The following TMOD3 variants were observed in gnomAD, a reference collection of about 807,000 sequenced individuals.
The protein encoded by TMOD3 is tropomodulin-3.
A neutral mutation model predicts 39.2 loss-of-function variants in TMOD3; 20 were observed. That is an observed-to-expected ratio of 0.51 (90% CI 0.36 to 0.74). The LOEUF (loss-of-function observed/expected upper bound fraction) is 0.74, where lower values mean the gene tolerates loss of function less well. TMOD3 is among the 30% of genes least tolerant of loss of function. The pLI is 0.00. For missense variants in TMOD3, 381 were observed against 412.8 expected, an observed-to-expected ratio of 0.92 and a Z score of 0.67; for synonymous variants, 143 against 145.8, an observed-to-expected ratio of 0.98 and a Z score of 0.14.
chr15:51,841,843 C>T (rs1026795258), intron 1 of TMOD3, among the ~76,000 whole-genome samples: 3 of 152,148 alleles, frequency 2.0e-5, no homozygotes, highest in Non-Finnish European at 2.9e-5. Context: ...GATCTTGGCT[C>T]ACTGCAACCT....
chr15:51,904,341 T>C (rs935646367), intron 9 of TMOD3, among the ~76,000 whole-genome samples: 4 of 152,258 alleles, frequency 2.6e-5, no homozygotes, highest in Non-Finnish European at 5.9e-5. Flanking sequence ...GCAGGGGCCA[T>C]GTCCGACTAT....
chr15:51,872,590 G>A (rs980385872), intron 3 of TMOD3, among the ~76,000 whole-genome samples: 8 of 143,170 alleles, frequency 5.6e-5, no homozygotes, highest in African/African-American at 2.1e-4. Context: ...TTTTTGTGAG[G>A]ACCAAATTTG....
chr15:51,894,701 G>A (rs1165818690), intron 6 of TMOD3, among the ~76,000 whole-genome samples: 3 of 152,100 alleles, frequency 2.0e-5, no homozygotes, highest in African/African-American at 2.4e-5. Context: ...TGGCTTCTTA[G>A]CATAATACAT....
At chr15:51,890,553 C>T (rs1234919450) in intron 5 of TMOD3, among the ~76,000 whole-genome samples, 1 of 151,986 alleles carries the variant, frequency 6.6e-6, no homozygotes, top group Non-Finnish European at 1.5e-5. Context: ...TTAGCCCTGA[C>T]AACAGTTCTA....
intron 1 of TMOD3, among the ~76,000 whole-genome samples, chr15:51,861,905 C>T (rs1227323571): frequency 2.0e-5 from 3 of 152,092 alleles, no homozygotes; most frequent in Non-Finnish European, 4.4e-5. Flanking sequence ...GGACTCCCAA[C>T]GTTCTGGGAT....
intron 1 of TMOD3, chr15:51,860,034 C>A: frequency 1.9e-6 from 1 of 534,478 alleles, no homozygotes. Flanking sequence ...GTCTTCACTG[C>A]CTCTTCATAT....
chr15:51,886,972 A>G (rs1010995869), intron 3 of TMOD3, among the ~76,000 whole-genome samples: 2 of 152,096 alleles, frequency 1.3e-5, no homozygotes, highest in Non-Finnish European at 2.9e-5. Flanking sequence ...TAATCCTAGC[A>G]CTTTGGGAGG....
intron 5 of TMOD3, chr15:51,892,209 C>T (rs923444821): frequency 6.6e-6 from 1 of 152,160 alleles, no homozygotes; most frequent in Non-Finnish European, 1.5e-5. Context: ...AGATAGTAGT[C>T]CATTTTGAAC....
intron 2 of TMOD3, among the ~76,000 whole-genome samples, chr15:51,868,700 G>A (rs372628836): frequency 2.2e-4 from 33 of 152,268 alleles, no homozygotes; most frequent in East Asian, 2.1e-3. Context: ...TGCTGGGCGC[G>A]GTGGCTCACA....
Position 51,908,932 on chromosome 15 carries a change from CA to C in TMOD3, c.*123del, listed in dbSNP as rs2056696514. ...CTGGAAAAATTTTTTTAGTGACATG[CA>C]TTTTTTTTTTAGTTGTTATCAAATT... On this transcript the variant is annotated 3_prime_UTR_variant, in exon 10 of 10. Transcript: ENST00000308580. 1.7e-6 allele frequency: 1 copy of C among 578,626 alleles called. No homozygotes were observed. Among genetic ancestry groups the C allele is most frequent in the African/African-American group, 1.9e-5 (1 of 51,542 alleles). 35.8% of individuals were successfully genotyped at this position (578,626 alleles called of 1,614,324 possible).
At chr15:51,874,877 C>G (rs1348886895) in intron 3 of TMOD3, 1 of 152,398 alleles carries the variant, frequency 6.6e-6, no homozygotes. Context: ...ATGGGCTCCT[C>G]CCTGCCTTGC....
intron 3 of TMOD3, among the ~76,000 whole-genome samples, chr15:51,887,387 C>T (rs964117687): frequency 6.6e-6 from 1 of 151,648 alleles, no homozygotes; most frequent in African/African-American, 2.4e-5. Context: ...TGAAAAATTT[C>T]TCAGTTGACC....
At chr15:51,872,096 T>A (rs996187454) in intron 3 of TMOD3, among the ~76,000 whole-genome samples, 4 of 152,112 alleles carry the variant, frequency 2.6e-5, no homozygotes, top group African/African-American at 9.7e-5. Context: ...ACCATTCAGG[T>A]AACGATAACA....
intron 1 of TMOD3, among the ~76,000 whole-genome samples, chr15:51,833,671 G>A (rs2056267211): frequency 6.6e-6 from 1 of 152,138 alleles, no homozygotes; most frequent in African/African-American, 2.4e-5. Context: ...ATTCATCTAT[G>A]TTGTTGGCAA....
chr15:51,890,337 A>ATTT (rs34989450), intron 5 of TMOD3, among the ~76,000 whole-genome samples: 4 of 128,226 alleles, frequency 3.1e-5, no homozygotes, highest in East Asian at 2.2e-4. Flanking sequence ...TGTCCAGCTA[A>ATTT]TTTTTTTTTT....
chr15:51,852,107 G>A (rs8031045), intron 1 of TMOD3, among the ~76,000 whole-genome samples: 36,002 of 152,120 alleles, frequency 0.24, 5,509 homozygotes, highest in East Asian at 0.64. Context: ...AGGGCAGGGA[G>A]CTTGTCTGTC....
At chr15:51,893,765 A>C in intron 5 of TMOD3, 50 bp from the exon 6 acceptor site, 1 of 660,970 alleles carries the variant, frequency 1.5e-6, no homozygotes, top group Non-Finnish European at 2.0e-6. Context: ...ACTCCGTCTC[A>C]AAAAAAAAAA....
chr15:51,866,225 A>G (rs1446061898), intron 2 of TMOD3, among the ~76,000 whole-genome samples: 6 of 152,068 alleles, frequency 3.9e-5, no homozygotes, highest in Admixed American at 2.6e-4. Context: ...GAGGCCAAGG[A>G]GGGAGATTTG....
intron 3 of TMOD3, among the ~76,000 whole-genome samples, chr15:51,875,909 T>C (rs543207716): frequency 1.3e-5 from 2 of 151,998 alleles, no homozygotes; most frequent in Admixed American, 6.6e-5. Flanking sequence ...TGAGCCACCG[T>C]GCCCGGCCTA....
Sources: gnomAD v4.1 joint callset for allele counts (sites outside exome capture counted in the v4.1 genomes callset) on GRCh38, gnomAD v4.1.1 for gene constraint, MANE v1.5 for transcripts, NCBI Gene and HGNC (gene_info 2026-07-23, HGNC 2026-07-21) for gene names.